Variants in EPB41 observed in about 807,000 individuals in gnomAD.
EPB41 encodes the protein protein 4.1.
A neutral mutation model predicts 108.0 loss-of-function variants in EPB41; 65 were observed. That is an observed-to-expected ratio of 0.60 (90% CI 0.49 to 0.74). The LOEUF is 0.74. Among genes scored for constraint, EPB41 ranks in the 30% least tolerant of loss-of-function variants. The pLI is 0.00. For synonymous variants in EPB41, 336 were observed against 358.9 expected (o/e 0.94, Z 0.72); for missense variants, 875 against 1,037.0 (o/e 0.84, Z 2.15).
intron 1 of EPB41, chr1:28,889,692 G>T: frequency 2.1e-6 from 1 of 474,502 alleles, no homozygotes; most frequent in Non-Finnish European, 2.8e-6. Context: ...CTAGGCTGCA[G>T]GGTGAGACAG....
At chr1:28,950,061 A>G (rs1183740567) in intron 1 of EPB41, among the ~76,000 whole-genome samples, 1 of 152,130 alleles carries the variant, frequency 6.6e-6, no homozygotes, top group East Asian at 1.9e-4. Context: ...ACATTCATGT[A>G]CCTGTCTTCT....
chr1:28,915,390 G>A (rs1380649197), intron 1 of EPB41, among the ~76,000 whole-genome samples: 6 of 152,128 alleles, frequency 3.9e-5, no homozygotes, highest in African/African-American at 1.4e-4. Flanking sequence ...CTGTCGGCTT[G>A]GAAATCTTCC....
chr1:29,056,310 A>G (rs981263669), intron 12 of EPB41, among the ~76,000 whole-genome samples: 3 of 152,112 alleles, frequency 2.0e-5, no homozygotes, highest in Non-Finnish European at 4.4e-5. Flanking sequence ...ACTTGAAGCC[A>G]TATTTATTAT....
intron 1 of EPB41, among the ~76,000 whole-genome samples, chr1:28,976,239 T>C (rs2095605398): frequency 6.6e-6 from 1 of 152,196 alleles, no homozygotes; most frequent in African/African-American, 2.4e-5. Flanking sequence ...CAGAGTTTAT[T>C]TTCTGGGAAA....
At chr1:29,060,009 A>G (rs533390257) in intron 14 of EPB41, among the ~76,000 whole-genome samples, 8 of 152,316 alleles carry the variant, frequency 5.3e-5, no homozygotes, top group African/African-American at 1.9e-4. Flanking sequence ...AGTGTCACTA[A>G]GTATAAAATA....
Position 29,117,906 on chromosome 1 carries a change from C to T in EPB41, c.*1094C>T, listed in dbSNP as rs578063927. On this transcript the variant is annotated 3_prime_UTR_variant, in exon 21 of 21. Coordinates refer to ENST00000343067, the MANE Select transcript of EPB41 (RefSeq NM_001376013.1). ...ACACCCTTCTAGAGCAAGGAATTGACTTTTAGGAGCCGTTCTCCCCACAAG... is the reference window on the plus strand; with the variant it reads ...ACACCCTTCTAGAGCAAGGAATTGATTTTTAGGAGCCGTTCTCCCCACAAG... 6.6e-6 allele frequency: 1 copy of T among 152,660 alleles called. No individual in the cohort carries two copies. Among genetic ancestry groups the T allele is most frequent in the Non-Finnish European group, 1.5e-5 (1 of 68,042 alleles). The allele number at this position is 152,660 out of a possible 1,614,324, so 9.5% of individuals were successfully genotyped here.
Position 29,053,171 on chromosome 1 carries a change from G to C in EPB41, c.1704G>C (p.Gln568His), listed in dbSNP as rs1644815553. 1.2e-6 allele frequency: 2 copies of C among 1,614,072 alleles called. No individual in the cohort carries two copies. Among genetic ancestry groups the C allele is most frequent in the Non-Finnish European group, 1.7e-6 (2 of 1,180,054 alleles). The change falls in exon 12 of 21, where the codon CAG (glutamine) becomes CAC (histidine). Residue 568 changes from glutamine (Q) to histidine (H), a missense_variant. Gln to His is a conservative substitution (Grantham distance 24). Around this residue, in one of 3 missense-constraint regions of EPB41, gnomAD observed 519 missense variants for 627.3 expected, o/e 0.83. Transcript: ENST00000343067. ...CTGCACCTGCCATTACTCAGGGTCAGGTTGCAGAAGGTGGCGTCCTAGATG... is the reference window on the plus strand; with the variant it reads ...CTGCACCTGCCATTACTCAGGGTCACGTTGCAGAAGGTGGCGTCCTAGATG... ...PTSAPAITQGQVAEGGVLDAS... is the reference protein window; with the variant it reads ...PTSAPAITQGHVAEGGVLDAS...
At chr1:28,990,921 A>G (rs1181848521) in intron 2 of EPB41, among the ~76,000 whole-genome samples, 6 of 152,144 alleles carry the variant, frequency 3.9e-5, no homozygotes, top group Admixed American at 3.3e-4. Context: ...AATTGAAATA[A>G]ATTGTCCGTA....
intron 1 of EPB41, among the ~76,000 whole-genome samples, chr1:28,894,058 T>TG (rs1481923302): frequency 2.6e-5 from 4 of 152,196 alleles, no homozygotes; most frequent in Admixed American, 6.5e-5. Context: ...CAAAGGTCTT[T>TG]GGGGCAGACT....
At chr1:29,049,202 G>A (rs561636899) in intron 11 of EPB41, among the ~76,000 whole-genome samples, 13 of 152,310 alleles carry the variant, frequency 8.5e-5, no homozygotes, top group African/African-American at 1.7e-4. Flanking sequence ...AGTTGCAAGC[G>A]TAGCTAATAA....
intron 12 of EPB41, chr1:29,053,530 C>T: frequency 3.4e-6 from 2 of 589,462 alleles, no homozygotes; most frequent in South Asian, 4.2e-5. Context: ...TATAAGGTGA[C>T]CCACTCCTTG....
rs1312875892 is a variant in EPB41 at position 29,041,889 on chromosome 1, G to A, written c.1636+2463G>A. Among the ~76,000 whole-genome samples, 5 of 152,138 alleles carry A rather than the reference G, an allele frequency of 3.3e-5. No homozygotes were observed. The East Asian group carries it at 9.6e-4, about 29-fold the overall frequency. ...TGATAGTATCATACTACCTCAAAGA[G>A]TTTTCATGAGGAATAAATGAGGTGG... is the stretch of plus-strand genomic sequence containing the variant. On this transcript the variant is annotated intron_variant, in intron 11 of 20. Transcript: ENST00000343067.
intron 1 of EPB41, among the ~76,000 whole-genome samples, chr1:28,917,155 A>C (rs1472102549): frequency 6.6e-6 from 1 of 152,088 alleles, no homozygotes; most frequent in African/African-American, 2.4e-5. Flanking sequence ...ATATGGCTAC[A>C]ATCTACCTTT....
intron 16 of EPB41, chr1:29,070,759 G>C (rs891146076): frequency 5.2e-6 from 6 of 1,162,256 alleles, no homozygotes; most frequent in Non-Finnish European, 6.5e-6. Flanking sequence ...TCTGTCAAAT[G>C]TTACTCTTTG....
At position 29,020,900 on chromosome 1, in the gene EPB41, CCCAAGGT is replaced by C. The variant is rs145597865; in HGVS notation, c.1124+2459_1124+2465del. On this transcript the variant is annotated intron_variant, in intron 7 of 20. Coordinates refer to ENST00000343067, the MANE Select transcript of EPB41 (RefSeq NM_001376013.1). ...ATCTCAAACTTCCAGCCTCAAGACT[CCCAAGGT>C]GCTAGGACTACAGGCATGAACCTCT... 6.3e-3 allele frequency among the ~76,000 whole-genome samples: 953 copies of C among 152,234 alleles called. 5 individuals carry two copies. The highest frequency in any genetic ancestry group is 0.022 in the African/African-American group (895 of 41,534).
chr1:29,073,650 G>C (rs906749426), intron 16 of EPB41, among the ~76,000 whole-genome samples: 2 of 152,120 alleles, frequency 1.3e-5, no homozygotes, highest in Non-Finnish European at 2.9e-5. Flanking sequence ...TATGATTAGA[G>C]TGGATCATAC....
intron 1 of EPB41, among the ~76,000 whole-genome samples, chr1:28,958,644 C>G (rs977716965): frequency 2.6e-5 from 4 of 151,446 alleles, no homozygotes; most frequent in African/African-American, 9.7e-5. Context: ...GAAACCCTGT[C>G]TCTACCCAAA....
intron 1 of EPB41, among the ~76,000 whole-genome samples, chr1:28,903,046 G>A (rs1252095427): frequency 3.3e-5 from 5 of 152,104 alleles, no homozygotes; most frequent in African/African-American, 1.2e-4. Context: ...AGTTCCCAAA[G>A]CAATAAAATG....
At chr1:28,907,959 T>C (rs1262405124) in intron 1 of EPB41, among the ~76,000 whole-genome samples, 2 of 152,240 alleles carry the variant, frequency 1.3e-5, no homozygotes, top group East Asian at 3.9e-4. Flanking sequence ...TGTGAGCCCC[T>C]GCACAGCCCC....
Sources: allele counts gnomAD v4.1 joint callset (sites outside exome capture counted in the v4.1 genomes callset), GRCh38; gene constraint gnomAD v4.1.1; regional missense constraint gnomAD v4.1.1; transcripts MANE v1.5; gene names NCBI Gene and HGNC (gene_info 2026-07-23, HGNC 2026-07-21).